Variants in SPAG1 observed in about 807,000 individuals in gnomAD.
The protein encoded by SPAG1 is sperm associated antigen 1, also known as sperm-associated antigen 1.
SPAG1 carries 69 observed loss-of-function variants against 100.5 expected under a neutral mutation model. That is an observed-to-expected ratio of 0.69 (90% CI 0.57 to 0.84). The LOEUF is 0.84. Ranked by LOEUF, SPAG1 falls within the 40% of genes least tolerant of loss-of-function variation. The probability of loss-of-function intolerance (pLI) is 0.00; values close to 1 mark genes in which losing one functional copy is unlikely to be tolerated. For missense variants in SPAG1, 955 were observed against 1,133.1 expected, an observed-to-expected ratio of 0.84 and a Z score of 2.26; for synonymous variants, 336 against 411.6, an observed-to-expected ratio of 0.82 and a Z score of 2.22.
intron 3 of SPAG1, among the ~76,000 whole-genome samples, chr8:100,176,055 T>C (rs1390639866): frequency 3.9e-5 from 6 of 152,106 alleles, no homozygotes; most frequent in Non-Finnish European, 8.8e-5. Context: ...GGCATTTTTT[T>C]CCCCAAGAAT....
Position 100,241,010 on chromosome 8 carries a change from G to GT in SPAG1, c.2770dup (p.Tyr924LeufsTer2). On this transcript the variant is annotated frameshift_variant, in exon 19 of 19. Coordinates refer to ENST00000388798, the MANE Select transcript of SPAG1 (RefSeq NM_003114.5). LOFTEE classifies it high-confidence loss of function. The surrounding 1 kb of genome is among the most constrained non-coding windows in gnomAD (Gnocchi z 5.1). ...AAGATATACAGGCCCTAAAAAGGCA[G>GT]TATGAGCTTTAAATCAAGATAATTG... The GT allele has an allele frequency of 6.2e-7, 1 of 1,611,486 alleles. No individual in the cohort carries two copies. The highest frequency in any genetic ancestry group is 1.3e-5 in the African/African-American group (1 of 74,920).
At chr8:100,171,332 G>C (rs1208984196) in intron 3 of SPAG1, among the ~76,000 whole-genome samples, 3 of 152,138 alleles carry the variant, frequency 2.0e-5, no homozygotes, top group Admixed American at 6.5e-5. Context: ...TCTGGTTTTG[G>C]TAGCAGGGTA....
At chr8:100,183,327 T>A in intron 4 of SPAG1, 48 bp from the exon 5 acceptor site, 1 of 865,946 alleles carries the variant, frequency 1.2e-6, no homozygotes, top group Non-Finnish European at 1.9e-6. Context: ...TAAAACCTGA[T>A]AATCTTATAT....
chr8:100,234,116 A>AT (rs1280290348), intron 16 of SPAG1, among the ~76,000 whole-genome samples: 1 of 152,242 alleles, frequency 6.6e-6, no homozygotes, highest in Non-Finnish European at 1.5e-5. Flanking sequence ...ATTCTTCTGC[A>AT]TGGAAATCCT....
At chr8:100,192,539 T>C (rs1214990374) in intron 9 of SPAG1, among the ~76,000 whole-genome samples, 1 of 152,248 alleles carries the variant, frequency 6.6e-6, no homozygotes, top group African/African-American at 2.4e-5. Context: ...GTGCCTCTGC[T>C]GGCAGTATAG....
In SPAG1 at chr8:100,213,225, A is replaced by G; in HGVS notation, c.1232A>G (p.Glu411Gly). The change falls in exon 11 of 19, where the codon GAG (glutamate) becomes GGG (glycine). Residue 411 changes from glutamate to glycine, a missense_variant. Coordinates refer to ENST00000388798, the MANE Select transcript of SPAG1 (RefSeq NM_003114.5). Reference protein sequence around the residue: ...RGAPQRGQTPEAGADKRSPRR... With the variant: ...RGAPQRGQTPGAGADKRSPRR... ...GCGCCGCAGCGGGGCCAGACCCCGGAGGCCGGCGCGGACAAGCGGAGCCCA... is the reference window on the plus strand; with the variant it reads ...GCGCCGCAGCGGGGCCAGACCCCGGGGGCCGGCGCGGACAAGCGGAGCCCA... The G allele has an allele frequency of 1.4e-6, 2 of 1,384,000 alleles. No individual in the cohort carries two copies. The highest frequency in any genetic ancestry group is 1.9e-6 in the Non-Finnish European group (2 of 1,070,046). 85.7% of individuals were successfully genotyped at this position (1,384,000 alleles called of 1,614,324 possible). A position where few individuals can be genotyped will look rare whatever the true frequency, so the allele number is the denominator to read the frequency against.
intron 16 of SPAG1, among the ~76,000 whole-genome samples, chr8:100,234,003 G>C (rs944338351): frequency 6.6e-6 from 1 of 152,210 alleles, no homozygotes; most frequent in Non-Finnish European, 1.5e-5. Context: ...TAAGCCAGCT[G>C]ATGGTCAGTG....
intron 10 of SPAG1, among the ~76,000 whole-genome samples, chr8:100,197,978 T>C (rs1229028288): frequency 1.3e-5 from 2 of 152,194 alleles, no homozygotes; most frequent in African/African-American, 2.4e-5. Flanking sequence ...GGAAGCTCCC[T>C]ATCTGTTTGC....
intron 10 of SPAG1, among the ~76,000 whole-genome samples, chr8:100,196,390 G>C (rs1003021976): frequency 2.6e-5 from 4 of 152,078 alleles, no homozygotes; most frequent in African/African-American, 9.7e-5. Context: ...ATTTGGTATT[G>C]ATTTTTTTCC....
In SPAG1 at chr8:100,177,909, C is replaced by T. The variant is rs769344647; in HGVS notation, c.394C>T (p.Arg132Cys). ...AATGAAAGATAATTTGCCTCCAGTTCGTGGTTCAAACAGCTGTCTTCATGT... is the reference window on the plus strand; with the variant it reads ...AATGAAAGATAATTTGCCTCCAGTTTGTGGTTCAAACAGCTGTCTTCATGT... Reference protein sequence around the residue: ...PAMKDNLPPVRGSNSCLHVGK... With the variant: ...PAMKDNLPPVCGSNSCLHVGK... The change falls in exon 4 of 19, where the codon CGT becomes TGT. Residue 132 changes from arginine (R) to cysteine (C), a missense_variant. Physicochemically the swap from Arg to Cys is radical, Grantham distance 180 (BLOSUM62 -3). Coordinates refer to ENST00000388798, the MANE Select transcript of SPAG1 (RefSeq NM_003114.5). 5.6e-6 allele frequency: 9 copies of T among 1,611,924 alleles called. No homozygotes were observed. The highest frequency in any genetic ancestry group is 1.7e-4 in the Middle Eastern group (1 of 6,050).
At chr8:100,165,416 G>A in intron 2 of SPAG1, 1 of 439,390 alleles carries the variant, frequency 2.3e-6, no homozygotes, top group South Asian at 1.7e-5. Context: ...CAGGAACAGA[G>A]TACTTTGTAC....
Position 100,213,222 on chromosome 8 carries a change from C to T in SPAG1, c.1229C>T (p.Pro410Leu), listed in dbSNP as rs971341609. 3.6e-6 allele frequency: 5 copies of T among 1,393,010 alleles called. No individual in the cohort carries two copies. The highest frequency in any genetic ancestry group is 1.5e-5 in the African/African-American group (1 of 65,542). 86.3% of individuals were successfully genotyped at this position (1,393,010 alleles called of 1,614,324 possible). Residue 410 changes from proline to leucine, a missense_variant, in exon 11 of 19, where the codon CCG (proline) becomes CTG (leucine). Transcript: ENST00000388798. Reference sequence around the variant, plus strand: ...GGCGCGCCGCAGCGGGGCCAGACCCCGGAGGCCGGCGCGGACAAGCGGAGC... The same window carrying T: ...GGCGCGCCGCAGCGGGGCCAGACCCTGGAGGCCGGCGCGGACAAGCGGAGC... ...ARGAPQRGQTPEAGADKRSPR... is the reference protein window; with the variant it reads ...ARGAPQRGQTLEAGADKRSPR...
intron 13 of SPAG1, among the ~76,000 whole-genome samples, chr8:100,221,313 A>C (rs898144611): frequency 1.3e-5 from 2 of 152,170 alleles, no homozygotes; most frequent in Non-Finnish European, 2.9e-5. Flanking sequence ...TCTAGGATGA[A>C]TAGTAATTTA....
At chr8:100,191,059 C>G (rs1049066292) in intron 8 of SPAG1, among the ~76,000 whole-genome samples, 10 of 152,108 alleles carry the variant, frequency 6.6e-5, no homozygotes, top group African/African-American at 2.4e-4. Flanking sequence ...GGATTATTAT[C>G]AGTGAAAATC....
At chr8:100,204,982 T>C (rs1817445868) in intron 10 of SPAG1, among the ~76,000 whole-genome samples, 1 of 152,206 alleles carries the variant, frequency 6.6e-6, no homozygotes, top group Non-Finnish European at 1.5e-5. Context: ...CTGACTCATG[T>C]AGAGCTCTGG....
Position 100,220,127 on chromosome 8 carries a change from G to T in SPAG1, c.1536-152G>T, listed in dbSNP as rs1192319869. The T allele has an allele frequency of 8.5e-6, 5 of 589,064 alleles. No homozygotes were observed. The Admixed American group carries it at 1.7e-4, about 20-fold the overall frequency. 36.5% of individuals were successfully genotyped at this position (589,064 alleles called of 1,614,324 possible). A position where few individuals can be genotyped will look rare whatever the true frequency, so the allele number is the denominator to read the frequency against. Reference sequence around the variant, plus strand: ...AAATATGATTGCTTTCTTACTCTGGGTTTGCCTTTCTGGCATGTTGCCTGG... The same window carrying T: ...AAATATGATTGCTTTCTTACTCTGGTTTTGCCTTTCTGGCATGTTGCCTGG... On this transcript the variant is annotated intron_variant, in intron 12 of 18. Transcript: ENST00000388798.
rs544131244 is a variant in SPAG1 at position 100,189,136 on chromosome 8, A to G, written c.832+1886A>G. Among the ~76,000 whole-genome samples the G allele has an allele frequency of 2.0e-5, 3 of 151,690 alleles. No individual in the cohort carries two copies. In the South Asian group the frequency reaches 6.2e-4, roughly 32 times the overall value. ...CACCTGAGGTTAGGAGTTCGAGACC[A>G]GCCTGGCAAACATGGCAAAACTCCA... is the stretch of plus-strand genomic sequence containing the variant. On this transcript the variant is annotated intron_variant, in intron 8 of 18. Coordinates refer to ENST00000388798, the MANE Select transcript of SPAG1 (RefSeq NM_003114.5).
chr8:100,231,874 A>G (rs1818784289), intron 15 of SPAG1, among the ~76,000 whole-genome samples: 1 of 151,964 alleles, frequency 6.6e-6, no homozygotes, highest in Non-Finnish European at 1.5e-5. Flanking sequence ...AGGCAGGAGA[A>G]TGGCGTGAAC....
chr8:100,165,599 A>G (rs1212345964), intron 2 of SPAG1: 2 of 477,846 alleles, frequency 4.2e-6, no homozygotes, highest in Non-Finnish European at 3.7e-6. Context: ...TGTGATGAAA[A>G]TTGGTTACTT....
Sources: allele counts gnomAD v4.1 joint callset (sites outside exome capture counted in the v4.1 genomes callset), GRCh38; gene constraint gnomAD v4.1.1; non-coding constraint Gnocchi (gnomAD v3.1); transcripts MANE v1.5; gene names NCBI Gene and HGNC (gene_info 2026-07-23, HGNC 2026-07-21).